Variants in KDM4C observed in about 807,000 individuals in gnomAD.
The protein encoded by KDM4C is lysine-specific demethylase 4C.
Under a neutral mutation model 129.3 loss-of-function variants are expected in KDM4C, and 81 were observed. The observed-to-expected ratio is 0.63, with a 90% CI of 0.52 to 0.75. The LOEUF is 0.75. Ranked by LOEUF, KDM4C falls within the 30% of genes least tolerant of loss-of-function variation. The probability of loss-of-function intolerance (pLI) is 0.00; values close to 1 mark genes in which losing one functional copy is unlikely to be tolerated. For synonymous variants in KDM4C, 573 were observed against 456.1 expected, an observed-to-expected ratio of 1.26 and a Z score of -3.26; for missense variants, 1,457 against 1,304.0, an observed-to-expected ratio of 1.12 and a Z score of -1.81.
At chr9:7,013,700 C>G (rs892186320) in intron 13 of KDM4C, 88 bp from the exon 14 acceptor site, 2 of 1,241,464 alleles carry the variant, frequency 1.6e-6, no homozygotes, top group South Asian at 1.4e-5. Flanking sequence ...AAGTTAGTGT[C>G]TGGAACAGGA....
At chr9:7,116,437 T>C (rs1408367103) in intron 18 of KDM4C, among the ~76,000 whole-genome samples, 1 of 152,154 alleles carries the variant, frequency 6.6e-6, no homozygotes, top group Non-Finnish European at 1.5e-5. Context: ...CCTTAGGTGA[T>C]CAAGAACAGG....
intron 3 of KDM4C, among the ~76,000 whole-genome samples, chr9:6,807,805 C>T (rs1251199993): frequency 1.4e-5 from 2 of 145,892 alleles, no homozygotes; most frequent in African/African-American, 2.6e-5. Flanking sequence ...GGGGGGTCAG[C>T]CCCCCGCCCG....
At chr9:7,093,017 G>T (rs796584021) in intron 17 of KDM4C, among the ~76,000 whole-genome samples, 51 of 152,206 alleles carry the variant, frequency 3.4e-4, no homozygotes, top group African/African-American at 1.2e-3. Context: ...AGAAGTTAAC[G>T]TTCTCACTCT....
At chr9:6,929,428 A>T (rs1406608366) in intron 8 of KDM4C, among the ~76,000 whole-genome samples, 1 of 147,826 alleles carries the variant, frequency 6.8e-6, no homozygotes, top group African/African-American at 2.5e-5. Flanking sequence ...GTAATGCTTT[A>T]CTTTTCACAA....
intron 5 of KDM4C, among the ~76,000 whole-genome samples, chr9:6,862,651 A>G (rs912219228): frequency 2.4e-4 from 37 of 152,170 alleles, no homozygotes; most frequent in Non-Finnish European, 5.4e-4. Context: ...AAAAATACAA[A>G]AACACATTAG....
chr9:7,104,775 A>G (rs1271983419), intron 18 of KDM4C, among the ~76,000 whole-genome samples: 1 of 152,216 alleles, frequency 6.6e-6, no homozygotes, highest in Non-Finnish European at 1.5e-5. Context: ...TTAGCAGCCT[A>G]ACATGCTTCT....
At position 6,830,271 on chromosome 9, in the gene KDM4C, C is replaced by T. The variant is rs141508519; in HGVS notation, c.435+15526C>T. ...TATCTCCAAGATTTTGGAATGCCCACTCTGGATTTCCAGTATTGCTTACAA... is the reference window on the plus strand; with the variant it reads ...TATCTCCAAGATTTTGGAATGCCCATTCTGGATTTCCAGTATTGCTTACAA... On this transcript the variant is annotated intron_variant, in intron 4 of 21. Coordinates refer to ENST00000381309, the MANE Select transcript of KDM4C (RefSeq NM_015061.6). Among the ~76,000 whole-genome samples, 464 of 152,340 alleles carry T rather than the reference C, an allele frequency of 3.0e-3. 2 individuals carry two copies. Among genetic ancestry groups the T allele is most frequent in the African/African-American group, 0.011 (441 of 41,558 alleles).
intron 12 of KDM4C, among the ~76,000 whole-genome samples, chr9:7,011,258 G>A (rs531281781): frequency 3.3e-4 from 50 of 152,262 alleles, no homozygotes; most frequent in Middle Eastern, 6.8e-3. Flanking sequence ...CTTTTATTGA[G>A]CCATGTACTA....
At chr9:7,101,814 A>G (rs1353769878) in intron 17 of KDM4C, among the ~76,000 whole-genome samples, 1 of 134,250 alleles carries the variant, frequency 7.4e-6, no homozygotes, top group Non-Finnish European at 1.7e-5. Context: ...CACCTTTCAT[A>G]TACCTGTCAA....
intron 18 of KDM4C, among the ~76,000 whole-genome samples, chr9:7,109,493 A>G (rs981516813): frequency 6.6e-6 from 1 of 152,182 alleles, no homozygotes; most frequent in Non-Finnish European, 1.5e-5. Flanking sequence ...CAGGATTTTT[A>G]TTTGGAAGGC....
intron 15 of KDM4C, among the ~76,000 whole-genome samples, chr9:7,039,835 G>C (rs1466645019): frequency 6.6e-6 from 1 of 152,154 alleles, no homozygotes; most frequent in Admixed American, 6.6e-5. Context: ...AGCTGACTCA[G>C]GGGTGGCAGA....
intron 1 of KDM4C, among the ~76,000 whole-genome samples, chr9:6,738,135 AAAACT>A (rs200468678): frequency 0.17 from 24,854 of 142,044 alleles, 2,456 homozygotes; most frequent in East Asian, 0.28. Flanking sequence ...CTCCCTCTCA[AAAACT>A]AAACTAAACT....
intron 19 of KDM4C, among the ~76,000 whole-genome samples, chr9:7,138,435 TG>T (rs1287752613): frequency 3.3e-5 from 5 of 152,232 alleles, no homozygotes; most frequent in African/African-American, 9.6e-5. Flanking sequence ...TAGTACAATA[TG>T]TTGAATAATG....
At chr9:6,779,659 C>G (rs1048493525) in intron 1 of KDM4C, among the ~76,000 whole-genome samples, 16 of 152,176 alleles carry the variant, frequency 1.1e-4, no homozygotes, top group Admixed American at 2.0e-4. Context: ...AGAGTCTGCT[C>G]TTGCAACCTT....
chr9:6,795,815 G>A (rs1041065284), intron 2 of KDM4C, among the ~76,000 whole-genome samples: 1 of 151,786 alleles, frequency 6.6e-6, no homozygotes, highest in Admixed American at 6.6e-5. Flanking sequence ...GGGATTACAG[G>A]TATGCAGCAC....
chr9:6,870,275 T>C (rs1477216503), intron 5 of KDM4C, among the ~76,000 whole-genome samples: 6 of 151,990 alleles, frequency 3.9e-5, no homozygotes, highest in Admixed American at 3.9e-4. Context: ...TAAGGGGGGT[T>C]TTTCCCTTGG....
At chr9:6,963,756 G>T (rs1481199920) in intron 8 of KDM4C, among the ~76,000 whole-genome samples, 2 of 152,126 alleles carry the variant, frequency 1.3e-5, no homozygotes, top group Non-Finnish European at 2.9e-5. Context: ...TCATTTTCCT[G>T]CCTCTCAGTC....
intron 8 of KDM4C, among the ~76,000 whole-genome samples, chr9:6,976,170 G>T (rs868708102): frequency 5.8e-4 from 88 of 152,152 alleles, no homozygotes; most frequent in African/African-American, 2.0e-3. Context: ...AAAATTATGT[G>T]TCAGGCCTAA....
chr9:7,002,278 A>G lies in KDM4C; in HGVS notation c.1787-9420A>G, dbSNP rs150554125. ...CAGAATCTTTTATATTACCTAGCATATGGTGAATTTCATATGCTTAGTACC... is the reference window on the plus strand; with the variant it reads ...CAGAATCTTTTATATTACCTAGCATGTGGTGAATTTCATATGCTTAGTACC... On this transcript the variant is annotated intron_variant, in intron 12 of 21. Coordinates refer to ENST00000381309, the MANE Select transcript of KDM4C (RefSeq NM_015061.6). 1.1e-3 allele frequency among the ~76,000 whole-genome samples: 160 copies of G among 152,272 alleles called. 3 individuals carry two copies. Among genetic ancestry groups the G allele is most frequent in the Middle Eastern group, 3.4e-3 (1 of 294 alleles).
Sources: gnomAD v4.1 joint callset for allele counts (sites outside exome capture counted in the v4.1 genomes callset) on GRCh38, gnomAD v4.1.1 for gene constraint, MANE v1.5 for transcripts, NCBI Gene and HGNC (gene_info 2026-07-23, HGNC 2026-07-21) for gene names.